The following SLC24A2 variants were observed in gnomAD, a reference collection of about 807,000 sequenced individuals.
SLC24A2 encodes the protein sodium/potassium/calcium exchanger 2.
Under a neutral mutation model 62.0 loss-of-function variants are expected in SLC24A2, and 36 were observed. The observed-to-expected ratio is 0.58, with a 90% CI of 0.44 to 0.77. The LOEUF (loss-of-function observed/expected upper bound fraction) is 0.77, where lower values mean the gene tolerates loss of function less well. Ranked by LOEUF, SLC24A2 falls within the 30% of genes least tolerant of loss-of-function variation. SLC24A2 has a pLI of 0.00. For missense variants in SLC24A2, 846 were observed against 817.9 expected, an observed-to-expected ratio of 1.03 and a Z score of -0.42; for synonymous variants, 358 against 294.0, an observed-to-expected ratio of 1.22 and a Z score of -2.23.
At chr9:20,100,180 G>A in the SLC24A2 span, among the ~76,000 whole-genome samples, 1 of 151,418 alleles carries the variant, frequency 6.6e-6, no homozygotes, top group Non-Finnish European at 1.5e-5. Flanking sequence ...CTAACTTTTT[G>A]TGTGTGTGTG....
chr9:19,955,310 AT>A, the SLC24A2 span, among the ~76,000 whole-genome samples: 2 of 151,890 alleles, frequency 1.3e-5, no homozygotes, highest in Non-Finnish European at 1.5e-5. Flanking sequence ...CAACAAAAAA[AT>A]TTTGTTTACA....
chr9:19,827,369 A>G, the SLC24A2 span, among the ~76,000 whole-genome samples: 4 of 152,284 alleles, frequency 2.6e-5, no homozygotes, highest in Admixed American at 2.6e-4. Flanking sequence ...TTGAGTTTGC[A>G]GGGGTGCTTT....
chr9:20,136,951 G>C, the SLC24A2 span, among the ~76,000 whole-genome samples: 1 of 152,076 alleles, frequency 6.6e-6, no homozygotes, highest in Admixed American at 6.6e-5. Context: ...AATTGAGTAT[G>C]ACTAGCAAAA....
At chr9:19,566,278 A>T (rs1835646397) in intron 7 of SLC24A2, among the ~76,000 whole-genome samples, 1 of 150,498 alleles carries the variant, frequency 6.6e-6, no homozygotes, top group Non-Finnish European at 1.5e-5. Context: ...AGAAAAAAAC[A>T]ACCCCATCAA....
chr9:19,968,321 C>A, the SLC24A2 span, among the ~76,000 whole-genome samples: 1 of 152,162 alleles, frequency 6.6e-6, no homozygotes, highest in Non-Finnish European at 1.5e-5. Flanking sequence ...TTCTTTTTAA[C>A]CTACATCCTT....
At chr9:20,002,077 A>G in the SLC24A2 span, among the ~76,000 whole-genome samples, 1 of 152,182 alleles carries the variant, frequency 6.6e-6, no homozygotes, top group African/African-American at 2.4e-5. Context: ...CTTTAGTGGA[A>G]CATACTTAGG....
the SLC24A2 span, among the ~76,000 whole-genome samples, chr9:20,075,812 T>C: frequency 5.3e-5 from 8 of 152,106 alleles, no homozygotes; most frequent in African/African-American, 1.4e-4. Context: ...TTAAGAGAAA[T>C]TGTTGTAAAA....
the SLC24A2 span, among the ~76,000 whole-genome samples, chr9:20,036,807 G>C: frequency 2.6e-5 from 4 of 151,830 alleles, no homozygotes; most frequent in African/African-American, 7.3e-5. Context: ...TGTAGTATTT[G>C]CATATAACCT....
the SLC24A2 span, among the ~76,000 whole-genome samples, chr9:20,303,357 C>G: frequency 6.6e-6 from 1 of 152,164 alleles, no homozygotes; most frequent in Non-Finnish European, 1.5e-5. Flanking sequence ...AGGATTTAAA[C>G]TTTGGCCCCT....
At chr9:19,988,798 T>C in the SLC24A2 span, among the ~76,000 whole-genome samples, 1 of 152,156 alleles carries the variant, frequency 6.6e-6, no homozygotes, top group Non-Finnish European at 1.5e-5. Flanking sequence ...AGAAGAACAC[T>C]GAATCCACTC....
the SLC24A2 span, among the ~76,000 whole-genome samples, chr9:20,069,155 T>A: frequency 2.0e-5 from 3 of 152,318 alleles, no homozygotes; most frequent in African/African-American, 7.2e-5. Flanking sequence ...CACCAAAATG[T>A]TTGATTGAAA....
At chr9:20,201,970 A>G in the SLC24A2 span, among the ~76,000 whole-genome samples, 1 of 152,136 alleles carries the variant, frequency 6.6e-6, no homozygotes, top group Non-Finnish European at 1.5e-5. Flanking sequence ...AAAAAGAAAG[A>G]AAAAAGGAAA....
chr9:19,754,564 A>C (rs1360245114), intron 2 of SLC24A2, among the ~76,000 whole-genome samples: 1 of 152,038 alleles, frequency 6.6e-6, no homozygotes, highest in East Asian at 1.9e-4. Context: ...TCAGCCAATC[A>C]GACACTCTCA....
At chr9:20,021,250 G>GTA in the SLC24A2 span, among the ~76,000 whole-genome samples, 1 of 152,004 alleles carries the variant, frequency 6.6e-6, no homozygotes, top group African/African-American at 2.4e-5. Flanking sequence ...ATGTTAGCGT[G>GTA]TAGTATGTGT....
the SLC24A2 span, among the ~76,000 whole-genome samples, chr9:20,219,710 C>T: frequency 2.0e-5 from 3 of 152,086 alleles, no homozygotes; most frequent in South Asian, 2.1e-4. Flanking sequence ...GGCCTTTGGA[C>T]GGTAGCACAT....
At chr9:20,035,495 T>G in the SLC24A2 span, among the ~76,000 whole-genome samples, 1 of 152,192 alleles carries the variant, frequency 6.6e-6, no homozygotes. Flanking sequence ...GGCTCACACC[T>G]ATAATCCCAG....
the SLC24A2 span, among the ~76,000 whole-genome samples, chr9:19,969,001 C>T: frequency 6.6e-6 from 1 of 152,118 alleles, no homozygotes; most frequent in Non-Finnish European, 1.5e-5. Context: ...TTTACAGTGG[C>T]TGTTCTACCA....
the SLC24A2 span, among the ~76,000 whole-genome samples, chr9:19,963,338 C>G: frequency 6.6e-6 from 1 of 151,420 alleles, no homozygotes; most frequent in Non-Finnish European, 1.5e-5. Context: ...ACACCAAAAG[C>G]AATGGCAACA....
chr9:20,085,332 C>T, the SLC24A2 span, among the ~76,000 whole-genome samples: 3 of 152,068 alleles, frequency 2.0e-5, no homozygotes, highest in African/African-American at 7.2e-5. Context: ...TAGCTTAAGG[C>T]TTTAATTATT....
Sources: gnomAD v4.1 joint callset for allele counts (sites outside exome capture counted in the v4.1 genomes callset) on GRCh38, gnomAD v4.1.1 for gene constraint, MANE v1.5 for transcripts, NCBI Gene and HGNC (gene_info 2026-07-23, HGNC 2026-07-21) for gene names.